ADAMTS3: variants seen among roughly 807,000 people sequenced by gnomAD.
ADAMTS3 encodes the protein A disintegrin and metalloproteinase with thrombospondin motifs 3.
In ADAMTS3, 73 loss-of-function variants were observed where a neutral mutation model predicts 129.0. The observed-to-expected ratio is 0.57, with a 90% confidence interval of 0.47 to 0.69. The LOEUF (loss-of-function observed/expected upper bound fraction) is 0.69, where lower values mean the gene tolerates loss of function less well. ADAMTS3 is among the 30% of genes least tolerant of loss of function. The probability of loss-of-function intolerance (pLI) is 0.00; values close to 1 mark genes in which losing one functional copy is unlikely to be tolerated. For synonymous variants in ADAMTS3, 477 were observed against 510.8 expected, an observed-to-expected ratio of 0.93 and a Z score of 0.89; for missense variants, 1,457 against 1,514.5, an observed-to-expected ratio of 0.96 and a Z score of 0.63.
rs1250727376 is a variant in ADAMTS3 at position 72,312,282 on chromosome 4, G to T, written c.1921+9C>A. 12 of 1,613,178 alleles carry T rather than the reference G, an allele frequency of 7.4e-6. No homozygotes were observed. Among genetic ancestry groups the T allele is most frequent in the African/African-American group, 1.3e-5 (1 of 74,864 alleles). ...CACACAGCAGGAAGGAGAGCACGAG[G>T]CTACTCACGGTCAGGATGTTCATAT... On this transcript the variant is annotated intron_variant, in intron 13 of 21. Transcript: ENST00000286657.
chr4:72,419,405 T>C (rs942794857), intron 3 of ADAMTS3, among the ~76,000 whole-genome samples: 1 of 152,106 alleles, frequency 6.6e-6, no homozygotes, highest in African/African-American at 2.4e-5. Flanking sequence ...ATGAAGAGCT[T>C]TTAGACTTTT....
At chr4:72,512,633 T>G (rs1311237856) in intron 3 of ADAMTS3, among the ~76,000 whole-genome samples, 1 of 152,216 alleles carries the variant, frequency 6.6e-6, no homozygotes, top group Non-Finnish European at 1.5e-5. Context: ...AAAGGATAAA[T>G]GCTTGAAGGG....
chr4:72,475,056 A>C lies in ADAMTS3; in HGVS notation c.505-60085T>G, dbSNP rs536892116. ...AAAAAAAGAAAAAAGAATTCTAAAA[A>C]TGTTTGCATAATCTTTAAAGGCAGG... On this transcript the variant is annotated intron_variant, in intron 3 of 21. Coordinates refer to ENST00000286657, the MANE Select transcript of ADAMTS3 (RefSeq NM_014243.3). 7.2e-5 allele frequency among the ~76,000 whole-genome samples: 11 copies of C among 152,058 alleles called. No individual in the cohort carries two copies. In the South Asian group the frequency reaches 1.9e-3, roughly 26 times the overall value.
intron 19 of ADAMTS3, among the ~76,000 whole-genome samples, chr4:72,292,359 T>C (rs560906695): frequency 2.6e-5 from 4 of 152,338 alleles, no homozygotes; most frequent in Non-Finnish European, 5.9e-5. Context: ...TTTCTACAGT[T>C]GTTGCTATGA....
At chr4:72,467,381 T>C (rs555434237) in intron 3 of ADAMTS3, among the ~76,000 whole-genome samples, 1 of 152,192 alleles carries the variant, frequency 6.6e-6, no homozygotes, top group African/African-American at 2.4e-5. Context: ...CTAAGTCTTA[T>C]TTCAGTGATC....
rs1170678128 is a variant in ADAMTS3, at chr4:72,281,814, A to T, written c.*1322T>A. On this transcript the variant is annotated 3_prime_UTR_variant, in exon 22 of 22. Coordinates refer to ENST00000286657, the MANE Select transcript of ADAMTS3 (RefSeq NM_014243.3). ...TATTTAGTACATAAAAATACTATCA[A>T]GAAAAAAAATCAACTTTTAATAAAT... 1 of 23,292 alleles carries T rather than the reference A, an allele frequency of 4.3e-5. No individual in the cohort carries two copies. Among genetic ancestry groups the T allele is most frequent in the Non-Finnish European group, 1.9e-4 (1 of 5,248 alleles). The allele number at this position is 23,292 out of a possible 1,614,324, so 1.4% of individuals were successfully genotyped here. A position where few individuals can be genotyped will look rare whatever the true frequency, so the allele number is the denominator to read the frequency against.
chr4:72,500,670 C>G (rs1719995132), intron 3 of ADAMTS3, among the ~76,000 whole-genome samples: 1 of 151,930 alleles, frequency 6.6e-6, no homozygotes, highest in African/African-American at 2.4e-5. Flanking sequence ...TTTGAAGACA[C>G]AGTCACAAAT....
chr4:72,516,575 A>G (rs1254700723), intron 3 of ADAMTS3, among the ~76,000 whole-genome samples: 1 of 151,970 alleles, frequency 6.6e-6, no homozygotes, highest in Non-Finnish European at 1.5e-5. Context: ...TGGATTCCTA[A>G]GTATTTTATT....
chr4:72,450,945 A>AAGGC (rs1237605359), intron 3 of ADAMTS3, among the ~76,000 whole-genome samples: 6 of 143,490 alleles, frequency 4.2e-5, no homozygotes, highest in Admixed American at 7.0e-5. Flanking sequence ...GGAAGGAAGG[A>AAGGC]AGGCAGGCAG....
At chr4:72,455,715 G>T (rs892308550) in intron 3 of ADAMTS3, among the ~76,000 whole-genome samples, 1 of 144,344 alleles carries the variant, frequency 6.9e-6, no homozygotes. Context: ...GATATCTGTC[G>T]GCTTTATCAA....
chr4:72,536,530 T>G (rs1019496321), intron 3 of ADAMTS3, among the ~76,000 whole-genome samples: 1 of 152,198 alleles, frequency 6.6e-6, no homozygotes, highest in Non-Finnish European at 1.5e-5. Context: ...TAACATTGAT[T>G]TCCTAAGGGC....
Position 72,548,725 on chromosome 4 carries a change from G to A in ADAMTS3, c.257C>T (p.Ala86Val), listed in dbSNP as rs775651972. The change falls in exon 3 of 22, where the codon GCA becomes GTA. Residue 86 changes from alanine (A) to valine (V), a missense_variant. Physicochemically the swap from Ala to Val is moderately conservative, Grantham distance 64. Coordinates refer to ENST00000286657, the MANE Select transcript of ADAMTS3 (RefSeq NM_014243.3). ...TCGCAGATGAAAATCTTTTCCAAAT[G>A]CCGTGATGTTAAAGAACAACTGCTC... is the stretch of plus-strand genomic sequence containing the variant. ...NPEQLFFNITAFGKDFHLRLK... is the reference protein window; with the variant it reads ...NPEQLFFNITVFGKDFHLRLK... 12 of 1,613,858 alleles carry A rather than the reference G, an allele frequency of 7.4e-6. No individual in the cohort carries two copies. The highest frequency in any genetic ancestry group is 1.0e-5 in the Non-Finnish European group (12 of 1,179,942).
intron 17 of ADAMTS3, among the ~76,000 whole-genome samples, chr4:72,303,303 C>A (rs970079284): frequency 2.0e-5 from 3 of 151,426 alleles, no homozygotes; most frequent in Non-Finnish European, 2.9e-5. Flanking sequence ...GTGCTACTGC[C>A]ACCTTGTGGC....
intron 3 of ADAMTS3, among the ~76,000 whole-genome samples, chr4:72,516,496 T>C (rs922877541): frequency 1.3e-5 from 2 of 152,148 alleles, no homozygotes; most frequent in Non-Finnish European, 2.9e-5. Context: ...TTTGTCTGTA[T>C]CCTTTTTTAT....
intron 19 of ADAMTS3, among the ~76,000 whole-genome samples, chr4:72,295,374 A>C (rs1718778039): frequency 6.6e-6 from 1 of 152,082 alleles, no homozygotes; most frequent in Non-Finnish European, 1.5e-5. Context: ...CTCCCAAAAA[A>C]AGTCAAGGAA....
intron 16 of ADAMTS3, among the ~76,000 whole-genome samples, chr4:72,305,712 G>T (rs1175024005): frequency 6.6e-6 from 1 of 151,728 alleles, no homozygotes; most frequent in African/African-American, 2.4e-5. Context: ...ATATTATTTT[G>T]ATTCTTACAT....
chr4:72,478,154 T>C (rs1031630405), intron 3 of ADAMTS3, among the ~76,000 whole-genome samples: 3 of 152,054 alleles, frequency 2.0e-5, no homozygotes, highest in Non-Finnish European at 2.9e-5. Flanking sequence ...ACTATTCCAA[T>C]CAACAGAAAA....
At chr4:72,378,022 A>G (rs1721179510) in intron 4 of ADAMTS3, among the ~76,000 whole-genome samples, 1 of 152,162 alleles carries the variant, frequency 6.6e-6, no homozygotes, top group Non-Finnish European at 1.5e-5. Context: ...GAATTATAAA[A>G]ATCCTTCCAG....
chr4:72,493,178 T>G (rs1298127835), intron 3 of ADAMTS3, among the ~76,000 whole-genome samples: 2 of 151,988 alleles, frequency 1.3e-5, no homozygotes, highest in Non-Finnish European at 2.9e-5. Flanking sequence ...CATTCTATCC[T>G]ATGACTTTTG....
Sources: allele counts gnomAD v4.1 joint callset (sites outside exome capture counted in the v4.1 genomes callset), GRCh38; gene constraint gnomAD v4.1.1; transcripts MANE v1.5; gene names NCBI Gene and HGNC (gene_info 2026-07-23, HGNC 2026-07-21).